The following EML1 variants were observed in gnomAD, a reference collection of about 807,000 sequenced individuals.
EML1 encodes the protein EMAP like 1, also known as echinoderm microtubule-associated protein-like 1.
EML1 carries 27 observed loss-of-function variants against 110.4 expected under a neutral mutation model. That is an observed-to-expected ratio of 0.24 (90% confidence interval 0.18 to 0.34). The LOEUF (loss-of-function observed/expected upper bound fraction) is 0.34, where lower values mean the gene tolerates loss of function less well. Ranked by LOEUF, EML1 falls within the 10% of genes least tolerant of loss-of-function variation. The pLI is 1.00. For missense variants in EML1, 741 were observed against 1,030.9 expected, an observed-to-expected ratio of 0.72 and a Z score of 3.85; for synonymous variants, 344 against 385.8, an observed-to-expected ratio of 0.89 and a Z score of 1.27.
At chr14:99,862,505 G>C (rs772819453) in intron 2 of EML1, among the ~76,000 whole-genome samples, 13 of 152,074 alleles carry the variant, frequency 8.5e-5, no homozygotes, top group Non-Finnish European at 1.6e-4. Flanking sequence ...GGATTTGTCC[G>C]TTCTCTTCAT....
At position 99,827,721 on chromosome 14, in the gene EML1, G is replaced by A. The variant is rs538902546; in HGVS notation, c.68-23132G>A. ...CAGCGAGAGAGGCCTCAGAAGAAAC[G>A]AACCCTGCTGACCTTGATCTCAGGA... On this transcript the variant is annotated intron_variant, in intron 1 of 21. Coordinates refer to ENST00000262233, the MANE Select transcript of EML1 (RefSeq NM_004434.3). The surrounding 1 kb of genome is among the most constrained non-coding windows in gnomAD (Gnocchi z 4.4). 5.9e-5 allele frequency among the ~76,000 whole-genome samples: 9 copies of A among 152,148 alleles called. No homozygotes were observed. Among genetic ancestry groups the A allele is most frequent in the Non-Finnish European group, 7.4e-5 (5 of 68,024 alleles).
At chr14:99,892,121 C>T in intron 5 of EML1, 1 of 985,388 alleles carries the variant, frequency 1.0e-6, no homozygotes, top group Non-Finnish European at 1.2e-6. Context: ...TGCAGTACTC[C>T]ACCGTCTCTT....
chr14:99,927,886 T>G (rs1247849308), intron 17 of EML1, among the ~76,000 whole-genome samples: 1 of 20,142 alleles, frequency 5.0e-5, no homozygotes, highest in Non-Finnish European at 1.0e-4. Flanking sequence ...GCGGTGGTGG[T>G]GGTGGTGGTG....
intron 1 of EML1, among the ~76,000 whole-genome samples, chr14:99,832,431 G>A (rs1484581983): frequency 6.6e-6 from 1 of 152,128 alleles, no homozygotes; most frequent in Admixed American, 6.5e-5. Flanking sequence ...TCAATAGTGG[G>A]TGTGTGTTTA....
At chr14:99,794,439 G>A (rs2057732740) in intron 1 of EML1, among the ~76,000 whole-genome samples, 1 of 151,912 alleles carries the variant, frequency 6.6e-6, no homozygotes, top group Admixed American at 6.6e-5. Flanking sequence ...ATTTGCTTAA[G>A]TGCAGTCGGA....
At chr14:99,758,387 A>C (rs2057279319) in intron 1 of EML1, among the ~76,000 whole-genome samples, 1 of 152,002 alleles carries the variant, frequency 6.6e-6, no homozygotes. Context: ...TCCACCCACC[A>C]TGTATGGGGA....
intron 3 of EML1, among the ~76,000 whole-genome samples, chr14:99,866,092 A>G (rs1426270720): frequency 6.6e-6 from 1 of 152,240 alleles, no homozygotes; most frequent in Admixed American, 6.5e-5. Context: ...TATCTGTCAC[A>G]AAGAGCACAG....
chr14:99,791,539 C>T (rs942374744), upstream of EML1, among the ~76,000 whole-genome samples: 1 of 152,212 alleles, frequency 6.6e-6, no homozygotes, highest in African/African-American at 2.4e-5. Context: ...TTCTTTCTCT[C>T]CAGTTGCTAC....
At chr14:99,767,100 G>GATT (rs1449374596) in intron 1 of EML1, among the ~76,000 whole-genome samples, 1 of 152,186 alleles carries the variant, frequency 6.6e-6, no homozygotes, top group African/African-American at 2.4e-5. Context: ...AAACTTCAGG[G>GATT]ATTACTTCTT....
chr14:99,752,375 G>A (rs552996384), intron 1 of EML1, among the ~76,000 whole-genome samples: 2 of 152,202 alleles, frequency 1.3e-5, no homozygotes, highest in South Asian at 2.1e-4. Flanking sequence ...GTCGCCGGGC[G>A]GAATGCAGGA....
chr14:99,912,609 GTTGA>G (rs2059964286), intron 13 of EML1, among the ~76,000 whole-genome samples: 1 of 152,156 alleles, frequency 6.6e-6, no homozygotes, highest in African/African-American at 2.4e-5. Context: ...ATTTGGTTCT[GTTGA>G]TTATTTCCCT....
chr14:99,868,019 T>A (rs748129050), intron 3 of EML1, among the ~76,000 whole-genome samples: 2 of 152,204 alleles, frequency 1.3e-5, no homozygotes, highest in Non-Finnish European at 2.9e-5. Context: ...TGTGTTTTTT[T>A]ATCATGAAAA....
chr14:99,901,097 T>A, intron 9 of EML1, 58 bp downstream of exon 9: 1 of 1,486,700 alleles, frequency 6.7e-7, no homozygotes, highest in South Asian at 1.1e-5. Flanking sequence ...GAGAATCAAC[T>A]CAGGGTTGAA....
At chr14:99,761,924 C>CA (rs35254638) in intron 1 of EML1, among the ~76,000 whole-genome samples, 1,480 of 127,344 alleles carry the variant, frequency 0.012, 23 homozygotes, top group African/African-American at 0.026. Context: ...GACTCTGTCT[C>CA]AAAAAAAAAA....
chr14:99,760,008 G>A (rs1402749106), intron 1 of EML1, among the ~76,000 whole-genome samples: 3 of 146,874 alleles, frequency 2.0e-5, no homozygotes, highest in Non-Finnish European at 4.5e-5. Context: ...TCAGGAGGCT[G>A]AGGCAGGAGA....
At chr14:99,811,273 T>A (rs2058074623) in intron 1 of EML1, among the ~76,000 whole-genome samples, 1 of 147,754 alleles carries the variant, frequency 6.8e-6, no homozygotes, top group South Asian at 2.1e-4. Flanking sequence ...CTTGACTCAC[T>A]GGGCTCAAGT....
intron 1 of EML1, among the ~76,000 whole-genome samples, chr14:99,849,352 T>G (rs1289661555): frequency 6.6e-6 from 1 of 152,180 alleles, no homozygotes; most frequent in Non-Finnish European, 1.5e-5. Context: ...GCAGGTCTTT[T>G]GTATTTAATA....
chr14:99,775,016 A>G (rs2057466600), intron 1 of EML1, among the ~76,000 whole-genome samples: 1 of 152,272 alleles, frequency 6.6e-6, no homozygotes, highest in African/African-American at 2.4e-5. Flanking sequence ...TGTTTAAAAA[A>G]AAATACAAAA....
At chr14:99,865,689 C>G in intron 3 of EML1, 43 bp downstream of exon 3, 1 of 1,599,358 alleles carries the variant, frequency 6.3e-7, no homozygotes. Context: ...CAAAGCAGTT[C>G]TCTCTTAGAT....
Sources: allele counts gnomAD v4.1 joint callset (sites outside exome capture counted in the v4.1 genomes callset), GRCh38; gene constraint gnomAD v4.1.1; non-coding constraint Gnocchi (gnomAD v3.1); transcripts MANE v1.5; gene names NCBI Gene and HGNC (gene_info 2026-07-23, HGNC 2026-07-21).